The following THRB variants were observed in gnomAD, a reference collection of about 807,000 sequenced individuals.
THRB encodes the protein nuclear receptor subfamily 1 group A member 2.
Under a neutral mutation model 47.8 loss-of-function variants are expected in THRB, and 12 were observed. The ratio of observed to expected loss-of-function variants is 0.25; its 90% CI spans 0.16 to 0.41. The LOEUF (loss-of-function observed/expected upper bound fraction) is 0.41, where lower values mean the gene tolerates loss of function less well. Ranked by LOEUF, THRB falls within the 10% of genes least tolerant of loss-of-function variation. The pLI is 1.00. For missense variants in THRB, 348 were observed against 589.2 expected (o/e 0.59, Z 4.24); for synonymous variants, 218 against 212.2 (o/e 1.03, Z -0.24).
In THRB at chr3:24,305,689, C is replaced by T. The variant is rs577941867; in HGVS notation, c.-188-8318G>A. On this transcript the variant is annotated intron_variant, in intron 2 of 10. Transcript: ENST00000646209. Reference sequence around the variant, plus strand: ...GAGGTAAAGAGTTATGTGAGCTTCACACCACAAATTTCAGGCATTTCACAT... The same window carrying T: ...GAGGTAAAGAGTTATGTGAGCTTCATACCACAAATTTCAGGCATTTCACAT... Among the ~76,000 whole-genome samples, 196 of 152,288 alleles carry T rather than the reference C, an allele frequency of 1.3e-3. 1 individual carries two copies. The highest frequency in any genetic ancestry group is 6.8e-3 in the Middle Eastern group (2 of 294).
chr3:24,187,659 T>G (rs1010541662), intron 5 of THRB, among the ~76,000 whole-genome samples: 4 of 152,304 alleles, frequency 2.6e-5, no homozygotes, highest in Admixed American at 2.6e-4. Context: ...TGTCAAGCAT[T>G]CTTGTGGGAT....
intron 1 of THRB, among the ~76,000 whole-genome samples, chr3:24,461,335 G>A (rs1401984154): frequency 2.0e-5 from 3 of 152,172 alleles, no homozygotes; most frequent in Non-Finnish European, 2.9e-5. Context: ...CTACTTCAGT[G>A]GGATGTTGTG....
At chr3:24,421,747 T>C (rs2069284900) in intron 1 of THRB, among the ~76,000 whole-genome samples, 1 of 151,938 alleles carries the variant, frequency 6.6e-6, no homozygotes, top group Non-Finnish European at 1.5e-5. Context: ...CATAAAATGA[T>C]GATGATGCTA....
chr3:24,144,000 C>G (rs2035781517), intron 7 of THRB: 1 of 452,654 alleles, frequency 2.2e-6, no homozygotes, highest in Admixed American at 3.4e-5. Flanking sequence ...GGTTCTAAAA[C>G]AGAGTGAAGC....
chr3:24,450,860 C>A (rs76479039), intron 1 of THRB, among the ~76,000 whole-genome samples: 2,120 of 152,258 alleles, frequency 0.014, 52 homozygotes, highest in African/African-American at 0.048. Context: ...CAGGATTAAT[C>A]CATGCAGCTC....
At position 24,139,388 on chromosome 3, in the gene THRB, TC is replaced by T. The variant is rs1270065303; in HGVS notation, c.738+4112del. ...TTTCTTTCTTTCTTTTTCTTTTCTT[TC>T]TTTTTTTTTTTTGAGACATGGTTTT... On this transcript the variant is annotated intron_variant, in intron 8 of 10. Coordinates refer to ENST00000646209, the MANE Select transcript of THRB (RefSeq NM_001354712.2). 1.1e-3 allele frequency among the ~76,000 whole-genome samples: 111 copies of T among 98,130 alleles called. 1 individual carries two copies. The highest frequency in any genetic ancestry group is 2.4e-3 in the African/African-American group (82 of 34,626). The allele number at this position is 98,130 out of a possible 152,430, so 64.4% of individuals were successfully genotyped here.
intron 1 of THRB, among the ~76,000 whole-genome samples, chr3:24,387,685 A>G (rs2066237266): frequency 6.6e-6 from 1 of 152,136 alleles, no homozygotes; most frequent in Non-Finnish European, 1.5e-5. Context: ...ATTACATTCC[A>G]TTACAACTCT....
chr3:24,271,474 G>T (rs559384625), intron 3 of THRB, among the ~76,000 whole-genome samples: 1 of 152,272 alleles, frequency 6.6e-6, no homozygotes, highest in Admixed American at 6.5e-5. Context: ...CTTTTGCAGG[G>T]CAAAGAGAGG....
chr3:24,448,090 G>A (rs927837589), intron 1 of THRB, among the ~76,000 whole-genome samples: 1 of 151,928 alleles, frequency 6.6e-6, no homozygotes, highest in Admixed American at 6.6e-5. Flanking sequence ...ATACAGTTGG[G>A]TGACAACTGA....
chr3:24,402,183 G>C (rs965179154), intron 1 of THRB, among the ~76,000 whole-genome samples: 1 of 152,040 alleles, frequency 6.6e-6, no homozygotes, highest in African/African-American at 2.4e-5. Flanking sequence ...GGCACCAGTA[G>C]AACTTTTCCC....
At chr3:24,134,359 C>A (rs2034324784) in intron 8 of THRB, among the ~76,000 whole-genome samples, 1 of 152,186 alleles carries the variant, frequency 6.6e-6, no homozygotes, top group South Asian at 2.1e-4. Context: ...TCACCCAGTG[C>A]TTCCTTCAGG....
intron 1 of THRB, among the ~76,000 whole-genome samples, chr3:24,492,631 A>G (rs1698332464): frequency 6.6e-6 from 1 of 152,256 alleles, no homozygotes; most frequent in East Asian, 1.9e-4. Flanking sequence ...GAGGAAAGGA[A>G]TCCACAGCTT....
chr3:24,275,823 C>A (rs1333055444), intron 3 of THRB, among the ~76,000 whole-genome samples: 1 of 152,144 alleles, frequency 6.6e-6, no homozygotes, highest in African/African-American at 2.4e-5. Flanking sequence ...AAAGACTGGG[C>A]TATGCCCTTT....
chr3:24,458,217 T>C (rs1398806900), intron 1 of THRB: 1 of 152,206 alleles, frequency 6.6e-6, no homozygotes, highest in Non-Finnish European at 1.5e-5. Context: ...GCATCATTTC[T>C]TGTTCCTAGG....
intron 4 of THRB, among the ~76,000 whole-genome samples, chr3:24,210,548 C>T (rs1277527752): frequency 3.9e-5 from 6 of 152,018 alleles, no homozygotes; most frequent in South Asian, 2.1e-4. Context: ...AGACTGCACA[C>T]GACAGCCCCC....
intron 3 of THRB, among the ~76,000 whole-genome samples, chr3:24,239,193 C>T (rs1250740440): frequency 6.6e-6 from 1 of 152,128 alleles, no homozygotes; most frequent in East Asian, 1.9e-4. Context: ...CTGCCCACCT[C>T]GGCATCTGAA....
At position 24,127,539 on chromosome 3, in the gene THRB, A is replaced by G. The variant is rs780753772; in HGVS notation, c.1104T>C (p.Thr368=). Residue 368 remains threonine (T), a synonymous_variant, in exon 10 of 11, where the codon ACT becomes ACC. Transcript: ENST00000646209. Reference sequence around the variant, plus strand: ...GGACGGCCTGAAGGAGGGCTACTTCAGTGTCATCCAGGTTGAAAGAAGACA... The same window carrying G: ...GGACGGCCTGAAGGAGGGCTACTTCGGTGTCATCCAGGTTGAAAGAAGACA... ...MSLSSFNLDD[T]EVALLQAVLL... is the part of the protein sequence containing the mutation. 2 of 1,614,208 alleles carry G rather than the reference A, an allele frequency of 1.2e-6. No homozygotes were observed. Among genetic ancestry groups the G allele is most frequent in the African/African-American group, 1.3e-5 (1 of 75,052 alleles).
chr3:24,484,420 C>A (rs1367137159), intron 1 of THRB, among the ~76,000 whole-genome samples: 1 of 152,020 alleles, frequency 6.6e-6, no homozygotes, highest in Non-Finnish European at 1.5e-5. Flanking sequence ...ATCAAAAGCT[C>A]TTTAGAAAGT....
At chr3:24,289,632 T>G (rs1469570589) in intron 3 of THRB, among the ~76,000 whole-genome samples, 1 of 152,226 alleles carries the variant, frequency 6.6e-6, no homozygotes, top group Non-Finnish European at 1.5e-5. Flanking sequence ...GGCTTTTTAT[T>G]ATAGCAGCTA....
Sources: gnomAD v4.1 joint callset for allele counts (sites outside exome capture counted in the v4.1 genomes callset) on GRCh38, gnomAD v4.1.1 for gene constraint, MANE v1.5 for transcripts, NCBI Gene and HGNC (gene_info 2026-07-23, HGNC 2026-07-21) for gene names.